Variants in SPATA22 observed in about 807,000 individuals in gnomAD.
The protein encoded by SPATA22 is spermatogenesis associated 22, also known as spermatogenesis-associated protein 22.
Under a neutral mutation model 47.8 loss-of-function variants are expected in SPATA22, and 29 were observed. The ratio of observed to expected loss-of-function variants is 0.61; its 90% CI spans 0.45 to 0.83. The LOEUF (loss-of-function observed/expected upper bound fraction) is 0.83. SPATA22 is among the 40% of genes least tolerant of loss of function. SPATA22 has a pLI of 0.00. For missense variants in SPATA22, 410 were observed against 421.7 expected (o/e 0.97, Z 0.24); for synonymous variants, 133 against 140.9 (o/e 0.94, Z 0.40).
intron 5 of SPATA22, among the ~76,000 whole-genome samples, chr17:3,458,255 C>T (rs1253314733): frequency 2.0e-5 from 3 of 152,044 alleles, no homozygotes; most frequent in Non-Finnish European, 4.4e-5. Flanking sequence ...AAATGCAAAT[C>T]AAAACTACAA....
rs9906904 is a variant in SPATA22, at chr17:3,505,851, G to A, written c.-74+7561C>T. Among the ~76,000 whole-genome samples the A allele has an allele frequency of 8.4e-3, 1,261 of 150,158 alleles. 24 individuals carry two copies. The highest frequency in any genetic ancestry group is 0.029 in the African/African-American group (1,203 of 41,110). On this transcript the variant is annotated intron_variant, in intron 1 of 8. Coordinates refer to the SPATA22 transcript ENST00000541913. ...CCGCTCACTGTAGCCTCTGCCTCCC[G>A]GGTTCCAGCGATTCTCGTGCCTCAG...
At chr17:3,495,769 A>G (rs1234725071) in intron 1 of SPATA22, among the ~76,000 whole-genome samples, 1 of 152,052 alleles carries the variant, frequency 6.6e-6, no homozygotes, top group African/African-American at 2.4e-5. Context: ...GGGTTTCACC[A>G]TGTTGGCCAG....
At chr17:3,454,227 CA>C (rs573265499) in intron 5 of SPATA22, among the ~76,000 whole-genome samples, 265 of 148,842 alleles carry the variant, frequency 1.8e-3, no homozygotes, top group Non-Finnish European at 3.2e-3. Flanking sequence ...AACCTGAAGA[CA>C]AAATAAATGA....
chr17:3,479,598 C>T (rs116549531), intron 1 of SPATA22, among the ~76,000 whole-genome samples: 2 of 152,222 alleles, frequency 1.3e-5, no homozygotes, highest in African/African-American at 4.8e-5. Flanking sequence ...TCCACCTTCC[C>T]ACTGCACCAT....
intron 7 of SPATA22, among the ~76,000 whole-genome samples, chr17:3,446,108 T>C (rs2072720523): frequency 6.6e-6 from 1 of 152,144 alleles, no homozygotes; most frequent in African/African-American, 2.4e-5. Flanking sequence ...GCTTTCCTTG[T>C]ATAAGGGACC....
chr17:3,493,377 A>G (rs2073855767), intron 1 of SPATA22, among the ~76,000 whole-genome samples: 1 of 152,100 alleles, frequency 6.6e-6, no homozygotes, highest in Non-Finnish European at 1.5e-5. Context: ...CCTGGCCAAC[A>G]TGGTGAGACC....
rs34414986 is a variant in SPATA22, at chr17:3,449,161, C to CAAAA, written c.330-16_330-13dup. 776 of 1,428,224 alleles carry CAAAA rather than the reference C, an allele frequency of 5.4e-4. 2 individuals carry two copies. In the African/African-American group the frequency reaches 0.01, roughly 19 times the overall value. 88.5% of individuals were successfully genotyped at this position (1,428,224 alleles called of 1,614,324 possible). ...TACCATCTCTGTAGCTGTAATAGTG[C>CAAAA]AAAAAAAAAGCATTTGTTTCTATAT... On this transcript the variant is annotated splice_polypyrimidine_tract_variant and intron_variant, in intron 5 of 8. Coordinates refer to ENST00000572969, the MANE Select transcript of SPATA22 (RefSeq NM_001170698.2).
intron 5 of SPATA22, among the ~76,000 whole-genome samples, chr17:3,453,001 G>A (rs995188243): frequency 6.6e-6 from 1 of 152,088 alleles, no homozygotes; most frequent in Non-Finnish European, 1.5e-5. Context: ...TAAAACAAGA[G>A]GGAATTCCAC....
chr17:3,494,581 G>C, intron 1 of SPATA22: 1 of 816,712 alleles, frequency 1.2e-6, no homozygotes, highest in East Asian at 2.6e-5. Flanking sequence ...TAGACACTGA[G>C]TGTAGATAGG....
chr17:3,472,154 G>C (rs1365127458), upstream of SPATA22: 1 of 152,462 alleles, frequency 6.6e-6, no homozygotes, highest in African/African-American at 2.4e-5. Flanking sequence ...TGGCCACCCA[G>C]AGTGTGCCCA....
At chr17:3,471,886 C>T (rs533451353), upstream of SPATA22, 27 of 985,122 alleles carry the variant, frequency 2.7e-5, no homozygotes, top group Admixed American at 1.2e-4. Context: ...ATGGCATCTT[C>T]GCTGCCTGCC....
chr17:3,509,608 T>G (rs1486523134), intron 1 of SPATA22, among the ~76,000 whole-genome samples: 1 of 152,222 alleles, frequency 6.6e-6, no homozygotes, highest in Non-Finnish European at 1.5e-5. Flanking sequence ...CTATTGTAAA[T>G]AGTGCTGCAA....
intron 5 of SPATA22, among the ~76,000 whole-genome samples, chr17:3,456,309 A>C (rs1265533638): frequency 6.6e-6 from 1 of 151,350 alleles, no homozygotes; most frequent in Non-Finnish European, 1.5e-5. Flanking sequence ...AGCAAGACTA[A>C]TAAAGAAAAA....
chr17:3,469,361 GCATTCCAAATTTATAATATGA>G lies in SPATA22; in HGVS notation c.-57_-37del, dbSNP rs752059620. On this transcript the variant is annotated 5_prime_UTR_variant, in exon 2 of 9. An upstream start codon of the reference 5' UTR is lost. Transcript: ENST00000572969. ...ATCAAAATCTATAATTTTCTATTCAGCATTCCAAATTTATAATATGACATTGTCCCACTAGACCTGCAAAGA... is the reference window on the plus strand; with the variant it reads ...ATCAAAATCTATAATTTTCTATTCAGCATTGTCCCACTAGACCTGCAAAGA... 4.2e-5 allele frequency: 64 copies of G among 1,507,542 alleles called. No individual in the cohort carries two copies. In the African/African-American group the frequency reaches 8.5e-4, roughly 20 times the overall value. The allele number at this position is 1,507,542 out of a possible 1,614,324, so 93.4% of individuals were successfully genotyped here.
chr17:3,478,108 C>G (rs1421121350), intron 1 of SPATA22, among the ~76,000 whole-genome samples: 2 of 152,084 alleles, frequency 1.3e-5, no homozygotes, highest in Non-Finnish European at 2.9e-5. Context: ...TGGCGTGAAC[C>G]TGGGAGGCGG....
upstream of SPATA22, chr17:3,476,095 G>A: frequency 6.8e-7 from 1 of 1,479,676 alleles, no homozygotes. Flanking sequence ...CCTTTCTTAA[G>A]AAAATCGAAT....
At chr17:3,484,436 C>A (rs1257534953) in intron 1 of SPATA22, among the ~76,000 whole-genome samples, 1 of 152,056 alleles carries the variant, frequency 6.6e-6, no homozygotes, top group African/African-American at 2.4e-5. Context: ...ACTGGAAGAG[C>A]AGGAAAGACC....
exon 1 of SPATA22, chr17:3,513,834 C>T: frequency 8.2e-7 from 1 of 1,212,290 alleles, no homozygotes; most frequent in Non-Finnish European, 1.2e-6. Flanking sequence ...CTCCACCATC[C>T]CTCAAAGCCT....
At chr17:3,483,694 G>T in intron 1 of SPATA22, 5 of 1,149,442 alleles carry the variant, frequency 4.3e-6, no homozygotes, top group Non-Finnish European at 5.1e-6. Flanking sequence ...ACAGAGTCTT[G>T]CTCTGTCACC....
Sources: allele counts gnomAD v4.1 joint callset (sites outside exome capture counted in the v4.1 genomes callset), GRCh38; gene constraint gnomAD v4.1.1; transcripts MANE v1.5; gene names NCBI Gene and HGNC (gene_info 2026-07-23, HGNC 2026-07-21).